The following OTUB1 variants were observed in gnomAD, a reference collection of about 807,000 sequenced individuals.
OTUB1 encodes the protein OTU deubiquitinase, ubiquitin aldehyde binding 1, also known as ubiquitin thioesterase OTUB1.
Under a neutral mutation model 35.8 loss-of-function variants are expected in OTUB1, and 10 were observed. The observed-to-expected ratio is 0.28, with a 90% CI of 0.17 to 0.47. The LOEUF is 0.47. OTUB1 is among the 20% of genes least tolerant of loss of function. The probability of loss-of-function intolerance (pLI) is 0.99; values close to 1 mark genes in which losing one functional copy is unlikely to be tolerated. For synonymous variants in OTUB1, 158 were observed against 143.8 expected, an observed-to-expected ratio of 1.10 and a Z score of -0.71; for missense variants, 264 against 351.6, an observed-to-expected ratio of 0.75 and a Z score of 1.99.
chr11:63,990,506 G>A (rs1942661435), intron 3 of OTUB1: 2 of 151,616 alleles, frequency 1.3e-5, no homozygotes, highest in Non-Finnish European at 1.5e-5. Context: ...GCTGCGGTTG[G>A]AGGATCACTT....
intron 1 of OTUB1, among the ~76,000 whole-genome samples, chr11:63,987,628 G>C (rs1360398420): frequency 6.6e-6 from 1 of 152,216 alleles, no homozygotes; most frequent in Non-Finnish European, 1.5e-5. Context: ...TTTGACCGCA[G>C]GTCTTTTGCT....
intron 3 of OTUB1, among the ~76,000 whole-genome samples, chr11:63,993,956 G>A (rs1013770740): frequency 3.3e-5 from 5 of 152,126 alleles, no homozygotes; most frequent in Admixed American, 6.6e-5. Context: ...GTGAAATCCC[G>A]TCTCTACAAA....
intron 3 of OTUB1, among the ~76,000 whole-genome samples, chr11:63,992,225 AAG>A (rs973425727): frequency 7.9e-5 from 12 of 152,066 alleles, no homozygotes; most frequent in Middle Eastern, 3.4e-3. Context: ...AAAAAAAAAA[AAG>A]AGGGGATTGG....
Position 63,996,599 on chromosome 11 carries a change from G to A in OTUB1, c.289G>A (p.Gly97Arg). The A allele has an allele frequency of 6.2e-7, 1 of 1,614,212 alleles. No homozygotes were observed. The change falls in exon 4 of 7, where the codon GGA becomes AGA. Residue 97 changes from glycine to arginine, a missense_variant. This residue lies in a region of OTUB1 where 214 missense variants were observed against 317.1 expected (regional missense o/e 0.67). Coordinates refer to ENST00000538426, the MANE Select transcript of OTUB1 (RefSeq NM_017670.3). Reference sequence around the variant, plus strand: ...CGGCAACTGTTTCTATCGGGCTTTCGGATTCTCCCACTTGGAGGCACTGCT... The same window carrying A: ...CGGCAACTGTTTCTATCGGGCTTTCAGATTCTCCCACTTGGAGGCACTGCT... ...PDGNCFYRAFGFSHLEALLDD... is the reference protein window; with the variant it reads ...PDGNCFYRAFRFSHLEALLDD...
At position 63,997,686 on chromosome 11, in the gene OTUB1, G is replaced by A. The variant is rs1441569111; in HGVS notation, c.*140G>A. 3 of 753,670 alleles carry A rather than the reference G, an allele frequency of 4.0e-6. No individual in the cohort carries two copies. The Admixed American group carries it at 6.0e-5, about 15-fold the overall frequency. 46.7% of individuals were successfully genotyped at this position (753,670 alleles called of 1,614,324 possible). On this transcript the variant is annotated 3_prime_UTR_variant, in exon 7 of 7. Coordinates refer to ENST00000538426, the MANE Select transcript of OTUB1 (RefSeq NM_017670.3). Reference sequence around the variant, plus strand: ...TGACCCCCCCCCATGTTTTATTAAAGGGGGTGCTGGTGGTGAGCCGTGTGT... The same window carrying A: ...TGACCCCCCCCCATGTTTTATTAAAAGGGGTGCTGGTGGTGAGCCGTGTGT...
At position 63,997,577 on chromosome 11, in the gene OTUB1, C is replaced by T. The variant is rs763301304; in HGVS notation, c.*31C>T. On this transcript the variant is annotated 3_prime_UTR_variant, in exon 7 of 7. Coordinates refer to ENST00000538426, the MANE Select transcript of OTUB1 (RefSeq NM_017670.3). ...GCTCCAGCCCGCTGCTGCCCTGCTG[C>T]CCCCCTCTGCCAGGCGCTAGACATG... 3.8e-6 allele frequency: 6 copies of T among 1,580,852 alleles called. No individual in the cohort carries two copies. The African/African-American group carries it at 6.7e-5, about 18-fold the overall frequency.
chr11:63,996,815 C>G (rs750143275), intron 4 of OTUB1, 42 bp from the exon 5 acceptor site: 2 of 1,613,220 alleles, frequency 1.2e-6, no homozygotes, highest in East Asian at 4.5e-5. Context: ...CTGGGCTGGT[C>G]GAGGAGCCCA....
At position 63,988,378 on chromosome 11, in the gene OTUB1, C is replaced by A; in HGVS notation, c.100C>A (p.Gln34Lys). ...LAYDEAIMAQ[Q>K]DRIQQEIAVQ... ...CTATGATGAAGCCATCATGGCTCAG[C>A]AGGACCGAATTCAGCAAGAGGTGAG... is the stretch of plus-strand genomic sequence containing the variant. Residue 34 changes from glutamine to lysine, a missense_variant, in exon 2 of 7, where the codon CAG (glutamine) becomes AAG (lysine). By Grantham distance (53) the Gln-to-Lys change is moderately conservative. Transcript: ENST00000538426. 2 of 1,554,234 alleles carry A rather than the reference C, an allele frequency of 1.3e-6. No individual in the cohort carries two copies. The highest frequency in any genetic ancestry group is 8.7e-7 in the Non-Finnish European group (1 of 1,148,102).
chr11:63,996,947 C>T lies in OTUB1; in HGVS notation c.423+6C>T, dbSNP rs1308116950. On this transcript the variant is annotated splice_donor_region_variant and intron_variant, in intron 5 of 6. Coordinates refer to ENST00000538426, the MANE Select transcript of OTUB1 (RefSeq NM_017670.3). ...TTGAGGATTTCCACAACACGGTGAG[C>T]CCTGGTGCCTGTCTTGGGCTGGGCC... 1.7e-5 allele frequency: 27 copies of T among 1,613,848 alleles called. No individual in the cohort carries two copies. The highest frequency in any genetic ancestry group is 2.3e-5 in the Non-Finnish European group (27 of 1,179,940).
intron 3 of OTUB1, among the ~76,000 whole-genome samples, chr11:63,995,723 GGGA>G (rs1942710804): frequency 6.6e-6 from 1 of 152,118 alleles, no homozygotes; most frequent in Admixed American, 6.6e-5. Context: ...TGAGGATTGT[GGGA>G]GGAGGCCAAA....
At chr11:63,988,619 C>T (rs1453814372) in intron 2 of OTUB1, 35 bp from the exon 3 acceptor site, 4 of 1,509,606 alleles carry the variant, frequency 2.6e-6, no homozygotes, top group Non-Finnish European at 3.7e-6. Flanking sequence ...ACTCCATCTC[C>T]CTGCTAGGAC....
chr11:63,990,391 C>T (rs1942660410), intron 3 of OTUB1: 2 of 151,976 alleles, frequency 1.3e-5, no homozygotes, highest in African/African-American at 4.8e-5. Flanking sequence ...CGCTTGAGCC[C>T]AGGAGTTCAA....
intron 3 of OTUB1, among the ~76,000 whole-genome samples, chr11:63,991,029 C>A (rs1210373451): frequency 6.6e-6 from 1 of 152,192 alleles, no homozygotes; most frequent in Non-Finnish European, 1.5e-5. Flanking sequence ...GCACTGTGAT[C>A]TACTGAGGCC....
chr11:63,995,566 C>T (rs139248702), intron 3 of OTUB1, among the ~76,000 whole-genome samples: 131 of 151,936 alleles, frequency 8.6e-4, no homozygotes, highest in African/African-American at 3.0e-3. Context: ...TAGGCTTAAG[C>T]GTCCTCCCAC....
rs1942728979 is a variant in OTUB1, at chr11:63,997,183, A to C, written c.557A>C (p.Glu186Ala). 6.2e-7 allele frequency: 1 copy of C among 1,614,212 alleles called. No homozygotes were observed. The highest frequency in any genetic ancestry group is 1.3e-5 in the African/African-American group (1 of 75,054). ...CTCACCTCGGGCTACCTGCAGCGCG[A>C]GAGCAAGTTCTTCGAGCACTTCATC... Reference protein sequence around the residue: ...RLLTSGYLQRESKFFEHFIEG... With the variant: ...RLLTSGYLQRASKFFEHFIEG... The change falls in exon 6 of 7, where the codon GAG becomes GCG. Residue 186 changes from glutamate to alanine, a missense_variant. Glu to Ala is a moderately radical substitution (Grantham distance 107). Transcript: ENST00000538426.
chr11:63,996,190 C>G (rs796123599), intron 3 of OTUB1, among the ~76,000 whole-genome samples: 20 of 152,286 alleles, frequency 1.3e-4, no homozygotes, highest in African/African-American at 4.8e-4. Flanking sequence ...CTTGCTTGCC[C>G]TGAAGTTCTC....
chr11:63,991,846 G>A (rs1349560942), intron 3 of OTUB1, among the ~76,000 whole-genome samples: 1 of 152,208 alleles, frequency 6.6e-6, no homozygotes, highest in Non-Finnish European at 1.5e-5. Context: ...AGTTCAGGGT[G>A]GAAAGACATG....
intron 3 of OTUB1, among the ~76,000 whole-genome samples, chr11:63,992,170 T>C (rs1185814815): frequency 6.6e-6 from 1 of 151,336 alleles, no homozygotes; most frequent in African/African-American, 2.4e-5. Flanking sequence ...GCCGAGATTG[T>C]GCCACTGCAC....
At chr11:63,987,613 C>T (rs1489075781) in intron 1 of OTUB1, among the ~76,000 whole-genome samples, 1 of 152,216 alleles carries the variant, frequency 6.6e-6, no homozygotes, top group Non-Finnish European at 1.5e-5. Context: ...TTAGACAAAC[C>T]TGGGTTTGAC....
Sources: gnomAD v4.1 joint callset for allele counts (sites outside exome capture counted in the v4.1 genomes callset) on GRCh38, gnomAD v4.1.1 for gene constraint, gnomAD v4.1.1 regional missense constraint, MANE v1.5 for transcripts, NCBI Gene and HGNC (gene_info 2026-07-23, HGNC 2026-07-21) for gene names.